FRMD4A: variants seen among roughly 807,000 people sequenced by gnomAD.
FRMD4A encodes FERM domain containing 4A.
A neutral mutation model predicts 129.1 loss-of-function variants in FRMD4A; 29 were observed. That is an observed-to-expected ratio of 0.22 (90% CI 0.17 to 0.31). The LOEUF (loss-of-function observed/expected upper bound fraction) is 0.31, where lower values mean the gene tolerates loss of function less well. Ranked by LOEUF, FRMD4A falls within the 10% of genes least tolerant of loss-of-function variation. FRMD4A has a pLI of 1.00. For missense variants in FRMD4A, 1,272 were observed against 1,375.8 expected, an observed-to-expected ratio of 0.92 and a Z score of 1.19; for synonymous variants, 634 against 571.6, an observed-to-expected ratio of 1.11 and a Z score of -1.56.
intron 2 of FRMD4A, among the ~76,000 whole-genome samples, chr10:14,156,957 C>A (rs146127975): frequency 6.6e-5 from 10 of 152,300 alleles, no homozygotes; most frequent in African/African-American, 2.4e-4. Flanking sequence ...TAAGCTGATA[C>A]ACCCTTGTTT....
intron 2 of FRMD4A, among the ~76,000 whole-genome samples, chr10:14,254,098 G>A (rs1844529330): frequency 6.6e-6 from 1 of 152,080 alleles, no homozygotes; most frequent in African/African-American, 2.4e-5. Flanking sequence ...AACTCTGGAG[G>A]TACAGGCCAC....
intron 2 of FRMD4A, among the ~76,000 whole-genome samples, chr10:14,161,417 C>T (rs1180499919): frequency 6.6e-6 from 1 of 152,184 alleles, no homozygotes. Flanking sequence ...TGAAATCAAC[C>T]TGAGTGTCCA....
chr10:13,844,967 T>C (rs971028711), intron 3 of FRMD4A, among the ~76,000 whole-genome samples: 1 of 152,190 alleles, frequency 6.6e-6, no homozygotes, highest in Non-Finnish European at 1.5e-5. Flanking sequence ...ACTGTCTGGT[T>C]GATAAGGGAT....
At chr10:13,927,811 T>A (rs987648846) in intron 2 of FRMD4A, among the ~76,000 whole-genome samples, 1 of 152,318 alleles carries the variant, frequency 6.6e-6, no homozygotes, top group Non-Finnish European at 1.5e-5. Context: ...TGTTGGAAAT[T>A]CAAGAAACTT....
chr10:14,306,976 C>T (rs1373874614), intron 2 of FRMD4A, among the ~76,000 whole-genome samples: 3 of 152,098 alleles, frequency 2.0e-5, no homozygotes, highest in African/African-American at 4.8e-5. Context: ...TTTTAGCTTC[C>T]AATAAGACCA....
intron 2 of FRMD4A, among the ~76,000 whole-genome samples, chr10:14,046,546 G>A (rs907032785): frequency 1.3e-5 from 2 of 152,170 alleles, no homozygotes; most frequent in African/African-American, 4.8e-5. Context: ...AAAATGAAAG[G>A]TAGAATTATT....
chr10:13,915,943 T>C (rs1451782010), intron 2 of FRMD4A, among the ~76,000 whole-genome samples: 6 of 152,072 alleles, frequency 3.9e-5, no homozygotes, highest in African/African-American at 1.2e-4. Context: ...AGTTGGGGGG[T>C]TGGCTCAGGC....
chr10:14,121,860 A>C (rs780113700), intron 2 of FRMD4A, among the ~76,000 whole-genome samples: 1 of 152,132 alleles, frequency 6.6e-6, no homozygotes, highest in Non-Finnish European at 1.5e-5. Context: ...GGAAACTAAC[A>C]AGTTACTTAC....
intron 2 of FRMD4A, among the ~76,000 whole-genome samples, chr10:13,956,271 G>A (rs1050880504): frequency 2.0e-5 from 3 of 152,178 alleles, no homozygotes; most frequent in South Asian, 2.1e-4. Flanking sequence ...TCGTGCCTCC[G>A]CCTCCTGGGT....
intron 2 of FRMD4A, among the ~76,000 whole-genome samples, chr10:14,218,318 T>C (rs1843137508): frequency 6.6e-6 from 1 of 152,220 alleles, no homozygotes; most frequent in Admixed American, 6.5e-5. Context: ...ACTAACTTCT[T>C]CTTTCATCCA....
intron 2 of FRMD4A, among the ~76,000 whole-genome samples, chr10:14,272,645 C>T (rs4750501): frequency 0.26 from 39,735 of 152,054 alleles, 5,298 homozygotes; most frequent in Middle Eastern, 0.35. Context: ...GTTCTGCAGG[C>T]TGTACAGGAA....
At position 13,943,675 on chromosome 10, in the gene FRMD4A, A is replaced by AG. The variant is rs1554981000; in HGVS notation, c.46-84764_46-84763insC. On this transcript the variant is annotated intron_variant, in intron 2 of 24. Transcript: ENST00000357447. ...AAAAAAAAAAAAAAAAAAAAAAAAA[A>AG]AAAAGAAAAAGAAAAGAAAGAAAGA... Among the ~76,000 whole-genome samples the AG allele has an allele frequency of 8.1e-3, 991 of 122,686 alleles. 7 individuals carry two copies. Among genetic ancestry groups the AG allele is most frequent in the Non-Finnish European group, 0.012 (654 of 56,068 alleles). 80.5% of individuals were successfully genotyped at this position (122,686 alleles called of 152,430 possible).
chr10:13,717,649 A>C (rs1191910515), intron 12 of FRMD4A, among the ~76,000 whole-genome samples: 1 of 124,662 alleles, frequency 8.0e-6, no homozygotes. Context: ...TCAGGGTTTG[A>C]CTACTTTGGA....
intron 2 of FRMD4A, among the ~76,000 whole-genome samples, chr10:13,889,049 G>C (rs2094661688): frequency 6.6e-6 from 1 of 152,234 alleles, no homozygotes; most frequent in Non-Finnish European, 1.5e-5. Flanking sequence ...CAAGCATGCT[G>C]CACGCACGTG....
intron 2 of FRMD4A, among the ~76,000 whole-genome samples, chr10:14,281,211 C>G (rs796920089): frequency 1.4e-4 from 22 of 152,110 alleles, no homozygotes; most frequent in African/African-American, 4.6e-4. Context: ...AGCCTGGTCT[C>G]GAGCTCCTGA....
intron 8 of FRMD4A, among the ~76,000 whole-genome samples, chr10:13,750,518 A>G (rs982050013): frequency 6.6e-6 from 1 of 152,202 alleles, no homozygotes; most frequent in African/African-American, 2.4e-5. Context: ...CTCAGAGGAA[A>G]TAAAGGCACC....
At chr10:14,133,008 A>G (rs1839342626) in intron 2 of FRMD4A, among the ~76,000 whole-genome samples, 1 of 152,226 alleles carries the variant, frequency 6.6e-6, no homozygotes, top group Admixed American at 6.5e-5. Flanking sequence ...TCATGCCATC[A>G]TCAGTAAGAT....
rs1836502810 is a variant in FRMD4A, at chr10:14,089,419, C to A, written c.46-230507G>T. 4.6e-5 allele frequency among the ~76,000 whole-genome samples: 7 copies of A among 152,196 alleles called. No homozygotes were observed. The South Asian group carries it at 1.4e-3, about 32-fold the overall frequency. ...ACGGGCTGGCCCAAGTCTGCATTGT[C>A]ACCTGCTCTGGGGAAAACAAAGCCC... On this transcript the variant is annotated intron_variant, in intron 2 of 24. Coordinates refer to ENST00000357447, the MANE Select transcript of FRMD4A (RefSeq NM_018027.5).
At chr10:13,868,735 G>A (rs2094404622) in intron 2 of FRMD4A, among the ~76,000 whole-genome samples, 3 of 152,144 alleles carry the variant, frequency 2.0e-5, no homozygotes. Flanking sequence ...AGAGGCAGAA[G>A]TTGCAGTGAA....
Sources: allele counts gnomAD v4.1 joint callset (sites outside exome capture counted in the v4.1 genomes callset), GRCh38; gene constraint gnomAD v4.1.1; transcripts MANE v1.5; gene names NCBI Gene and HGNC (gene_info 2026-07-23, HGNC 2026-07-21).